The following TP63 variants were observed in gnomAD, a reference collection of about 807,000 sequenced individuals.
The protein encoded by TP63 is tumor protein 63.
TP63 carries 17 observed loss-of-function variants against 82.8 expected under a neutral mutation model. The ratio of observed to expected loss-of-function variants is 0.21; its 90% CI spans 0.14 to 0.31. The LOEUF is 0.31. Ranked by LOEUF, TP63 falls within the 10% of genes least tolerant of loss-of-function variation. The pLI is 1.00. For missense variants in TP63, 648 were observed against 895.3 expected (o/e 0.72, Z 3.52); for synonymous variants, 330 against 321.7 (o/e 1.03, Z -0.28).
At chr3:189,604,064 A>G in the TP63 span, among the ~76,000 whole-genome samples, 1 of 152,176 alleles carries the variant, frequency 6.6e-6, no homozygotes, top group Non-Finnish European at 1.5e-5. Context: ...AGTAGAAAAG[A>G]CAAAATTATT....
chr3:189,729,398 C>T (rs376569011), intron 1 of TP63, among the ~76,000 whole-genome samples: 2 of 152,074 alleles, frequency 1.3e-5, no homozygotes. Context: ...AAGCTGTGGG[C>T]AATCAGATCT....
intron 1 of TP63, among the ~76,000 whole-genome samples, chr3:189,717,726 C>A (rs1719067530): frequency 6.6e-6 from 1 of 152,194 alleles, no homozygotes; most frequent in African/African-American, 2.4e-5. Flanking sequence ...TTGAGGATAT[C>A]TCTTCTGTGC....
intron 1 of TP63, among the ~76,000 whole-genome samples, chr3:189,681,923 A>G (rs1560106585): frequency 6.6e-6 from 1 of 152,120 alleles, no homozygotes; most frequent in Non-Finnish European, 1.5e-5. Flanking sequence ...CAAAATAGCA[A>G]TGCAAAGGCT....
intron 1 of TP63, among the ~76,000 whole-genome samples, chr3:189,642,697 T>C (rs188673668): frequency 5.3e-5 from 8 of 152,270 alleles, no homozygotes; most frequent in Admixed American, 5.2e-4. Flanking sequence ...ATTATTTATA[T>C]TTTATATGAA....
At chr3:189,798,191 AC>A (rs971834703) in intron 3 of TP63, among the ~76,000 whole-genome samples, 8 of 152,084 alleles carry the variant, frequency 5.3e-5, no homozygotes, top group African/African-American at 1.9e-4. Flanking sequence ...TATTGTATAT[AC>A]TTAAAAGGCT....
intron 3 of TP63, among the ~76,000 whole-genome samples, chr3:189,741,448 G>C (rs905060615): frequency 7.5e-6 from 1 of 133,156 alleles, no homozygotes; most frequent in Admixed American, 7.5e-5. Context: ...CTGCTACAAC[G>C]GGTGTGAGAG....
rs1727140613 is a variant in TP63, at chr3:189,808,291, G to A, written c.344G>A (p.Gly115Glu). 6.2e-7 allele frequency: 1 copy of A among 1,614,144 alleles called. No individual in the cohort carries two copies. The change falls in exon 4 of 14, where the codon GGG becomes GAG. Residue 115 changes from glycine to glutamate, a missense_variant. Gly to Glu is a moderately conservative substitution (Grantham distance 98). This residue lies in a region of TP63 where 182 missense variants were observed against 213.6 expected (regional missense o/e 0.85). Coordinates refer to ENST00000264731, the MANE Select transcript of TP63 (RefSeq NM_003722.5). ...DPMWPQYTNL[G>E]LLNSMDQQIQ... ...TTGCAGCCACAGTACACGAACCTGG[G>A]GCTCCTGAACAGCATGGACCAGCAG... is the stretch of plus-strand genomic sequence containing the variant.
chr3:189,815,174 T>C (rs943742656), intron 4 of TP63, among the ~76,000 whole-genome samples: 1 of 150,648 alleles, frequency 6.6e-6, no homozygotes, highest in East Asian at 1.9e-4. Context: ...AGCTACATGG[T>C]ATCTTTCTTT....
chr3:189,871,107 C>G (rs1718367665), intron 9 of TP63, among the ~76,000 whole-genome samples: 1 of 152,078 alleles, frequency 6.6e-6, no homozygotes, highest in Admixed American at 6.6e-5. Context: ...AAAACAGGAA[C>G]TGCTTGAAAA....
At chr3:189,848,239 T>TTCTCTCTCTTTCTCTCTC (rs1715152795) in intron 4 of TP63, among the ~76,000 whole-genome samples, 1 of 95,984 alleles carries the variant, frequency 1.0e-5, no homozygotes, top group Admixed American at 1.3e-4. Context: ...CTCCTCCTCC[T>TTCTCTCTCTTTCTCTCTC]TCTCTCTCTC....
At position 189,801,142 on chromosome 3, in the gene TP63, G is replaced by A. The variant is rs76030744; in HGVS notation, c.325-7130G>A. Reference sequence around the variant, plus strand: ...CCAAACCAAGGATGCATTACTGCTGGGCTTCTAAAGGCAGTATGGTATGCT... The same window carrying A: ...CCAAACCAAGGATGCATTACTGCTGAGCTTCTAAAGGCAGTATGGTATGCT... On this transcript the variant is annotated intron_variant, in intron 3 of 13. Transcript: ENST00000264731. Among the ~76,000 whole-genome samples the A allele has an allele frequency of 6.3e-3, 962 of 152,044 alleles. 7 individuals carry two copies. The highest frequency in any genetic ancestry group is 0.022 in the African/African-American group (921 of 41,484).
chr3:189,602,394 A>T, the TP63 span, among the ~76,000 whole-genome samples: 1 of 152,188 alleles, frequency 6.6e-6, no homozygotes, highest in South Asian at 2.1e-4. Flanking sequence ...TGATCAGTGC[A>T]TCACAAACAT....
chr3:189,812,238 C>T (rs771772800), intron 4 of TP63, among the ~76,000 whole-genome samples: 15 of 151,994 alleles, frequency 9.9e-5, no homozygotes, highest in East Asian at 1.9e-4. Context: ...TTTTCCTTTG[C>T]GTTTCTGTGT....
At chr3:189,814,084 G>A (rs376129201) in intron 4 of TP63, among the ~76,000 whole-genome samples, 2 of 152,196 alleles carry the variant, frequency 1.3e-5, no homozygotes, top group African/African-American at 2.4e-5. Flanking sequence ...GGTCTCGCAA[G>A]CTCACTCCCT....
the TP63 span, among the ~76,000 whole-genome samples, chr3:189,607,278 T>C: frequency 9.8e-5 from 15 of 152,348 alleles, no homozygotes; most frequent in African/African-American, 3.6e-4. Flanking sequence ...TGAATCTGTT[T>C]AGAGTCTATA....
intron 3 of TP63, among the ~76,000 whole-genome samples, chr3:189,769,315 G>C (rs2108553489): frequency 6.6e-6 from 1 of 152,138 alleles, no homozygotes; most frequent in East Asian, 1.9e-4. Flanking sequence ...GTTTATTCTG[G>C]GTAAAAATGA....
At chr3:189,649,044 C>T (rs1212363040) in intron 1 of TP63, among the ~76,000 whole-genome samples, 1 of 147,042 alleles carries the variant, frequency 6.8e-6, no homozygotes, top group Non-Finnish European at 1.5e-5. Flanking sequence ...CATCTATGGG[C>T]TAAGCCTTAT....
At chr3:189,749,388 GAA>G (rs1055683994) in intron 3 of TP63, among the ~76,000 whole-genome samples, 1 of 152,058 alleles carries the variant, frequency 6.6e-6, no homozygotes, top group African/African-American at 2.4e-5. Flanking sequence ...CAAAAGATAT[GAA>G]AAGACATTTT....
chr3:189,798,530 G>A (rs1422588908), intron 3 of TP63, among the ~76,000 whole-genome samples: 1 of 152,016 alleles, frequency 6.6e-6, no homozygotes, highest in Non-Finnish European at 1.5e-5. Context: ...TTTTTATCTT[G>A]CTTTGCAGGC....
Sources: allele counts gnomAD v4.1 joint callset (sites outside exome capture counted in the v4.1 genomes callset), GRCh38; gene constraint gnomAD v4.1.1; regional missense constraint gnomAD v4.1.1; transcripts MANE v1.5; gene names NCBI Gene and HGNC (gene_info 2026-07-23, HGNC 2026-07-21).